The following JADE3 variants were observed in gnomAD, a reference collection of about 807,000 sequenced individuals.
JADE3 encodes the protein jade family PHD finger 3, also known as protein Jade-3.
Under a neutral mutation model 50.1 loss-of-function variants are expected in JADE3, and 2 were observed. The ratio of observed to expected loss-of-function variants is 0.04; its 90% CI spans 0.02 to 0.13. JADE3 has a LOEUF of 0.13. Among genes scored for constraint, JADE3 ranks in the 10% least tolerant of loss-of-function variants. The pLI is 1.00. For synonymous variants in JADE3, 218 were observed against 232.9 expected (o/e 0.94, Z 0.58); for missense variants, 475 against 634.4 (o/e 0.75, Z 2.70).
chrX:46,947,726 T>C (rs1556343833), intron 1 of JADE3, among the ~76,000 whole-genome samples: 1 of 111,543 alleles, frequency 9.0e-6, no homozygotes, highest in Non-Finnish European at 1.9e-5. Flanking sequence ...AGTTTATCTT[T>C]CATAATAAAA....
At chrX:47,021,619 A>AAGTCCAAAAAGACTTTG in intron 4 of JADE3, among the ~76,000 whole-genome samples, 1 of 112,012 alleles carries the variant, frequency 8.9e-6, no homozygotes, top group Non-Finnish European at 1.9e-5. Flanking sequence ...ATTTTTGGAC[A>AAGTCCAAAAAGACTTTG]GTCTTTTTAA....
chrX:47,033,299 A>T (rs1313549914), intron 6 of JADE3, among the ~76,000 whole-genome samples: 1 of 111,962 alleles, frequency 8.9e-6, no homozygotes, highest in Non-Finnish European at 1.9e-5. Context: ...ATAGTCATTG[A>T]AGAAGCTTTA....
At chrX:46,922,783 G>A (rs1384182459) in intron 1 of JADE3, among the ~76,000 whole-genome samples, 1 of 110,731 alleles carries the variant, frequency 9.0e-6, no homozygotes, top group Non-Finnish European at 1.9e-5. Flanking sequence ...ATTAATCATA[G>A]TTCTTTTACA....
At chrX:46,944,339 GT>G (rs1926834597) in intron 1 of JADE3, among the ~76,000 whole-genome samples, 1 of 101,247 alleles carries the variant, frequency 9.9e-6, no homozygotes, top group Non-Finnish European at 2.0e-5. Context: ...GAGTATTGCT[GT>G]TGTCGCCCAG....
At chrX:46,954,298 A>T (rs1361193104) in intron 1 of JADE3, among the ~76,000 whole-genome samples, 1 of 111,765 alleles carries the variant, frequency 8.9e-6, no homozygotes, top group Non-Finnish European at 1.9e-5. Context: ...AACCTCATTA[A>T]CTTGGGAATA....
rs191800532 is a variant in JADE3, at chrX:46,945,083, T to C, written c.-12+32364T>C. On this transcript the variant is annotated intron_variant, in intron 1 of 10. Transcript: ENST00000614628. ...GTTGCCCAGGCTAGTCTCAAACTCC[T>C]AGGCTCAAACAGTTCCTCCCACCTT... is the stretch of plus-strand genomic sequence containing the variant. Among the ~76,000 whole-genome samples the C allele has an allele frequency of 3.7e-3, 397 of 108,108 alleles. 2 individuals are homozygous for C. Among genetic ancestry groups the C allele is most frequent in the African/African-American group, 0.013 (384 of 29,551 alleles). The allele number at this position is 108,108 out of a possible 115,157, so 93.9% of individuals were successfully genotyped here. A position where few individuals can be genotyped will look rare whatever the true frequency, so the allele number is the denominator to read the frequency against.
intron 4 of JADE3, among the ~76,000 whole-genome samples, chrX:47,019,119 A>T (rs977478010): frequency 2.9e-4 from 32 of 111,533 alleles, no homozygotes; most frequent in African/African-American, 9.1e-4. Context: ...TCATGGCATC[A>T]CTTCTATTGA....
chrX:46,916,088 G>A (rs1926079059), intron 1 of JADE3, among the ~76,000 whole-genome samples: 1 of 111,709 alleles, frequency 9.0e-6, no homozygotes, highest in Admixed American at 9.5e-5. Flanking sequence ...TGAGACACAT[G>A]ACAAGAATAT....
chrX:46,981,191 T>G (rs990578392), intron 1 of JADE3, among the ~76,000 whole-genome samples: 1 of 112,238 alleles, frequency 8.9e-6, no homozygotes, highest in Non-Finnish European at 1.9e-5. Context: ...GATAGTAAAT[T>G]TATGTAGTTT....
intron 6 of JADE3, among the ~76,000 whole-genome samples, chrX:47,031,721 TG>T (rs1329660451): frequency 9.1e-6 from 1 of 110,336 alleles, no homozygotes; most frequent in Non-Finnish European, 1.9e-5. Flanking sequence ...AAAAATTAGC[TG>T]GGCAGAGTGG....
intron 8 of JADE3, among the ~76,000 whole-genome samples, chrX:47,039,278 G>A (rs1250734119): frequency 1.8e-5 from 2 of 111,269 alleles, no homozygotes; most frequent in East Asian, 5.6e-4. Context: ...CGTAGTGATA[G>A]TTTATCTTCA....
At chrX:47,054,653 A>G (rs1556373032) in intron 9 of JADE3, 25 bp downstream of exon 9, 2 of 981,948 alleles carry the variant, frequency 2.0e-6, no homozygotes, top group South Asian at 2.2e-5. Flanking sequence ...TGTGACTAGT[A>G]TATAGGCCTC....
chrX:46,979,873 ATTTTTTTTTTTT>A (rs56397998), intron 1 of JADE3, among the ~76,000 whole-genome samples: 5 of 63,148 alleles, frequency 7.9e-5, no homozygotes, highest in Non-Finnish European at 1.4e-4. Flanking sequence ...ATGTCTGCTG[ATTTTTTTTTTTT>A]TTTTTTTTTT....
At chrX:46,989,610 C>T (rs1556355453) in intron 3 of JADE3, among the ~76,000 whole-genome samples, 3 of 111,722 alleles carry the variant, frequency 2.7e-5, no homozygotes, top group East Asian at 5.6e-4. Flanking sequence ...CATTTCTTTC[C>T]CAGTTGTTTT....
At chrX:46,915,241 A>G (rs1475771981) in intron 1 of JADE3, among the ~76,000 whole-genome samples, 1 of 111,955 alleles carries the variant, frequency 8.9e-6, no homozygotes, top group African/African-American at 3.3e-5. Context: ...AGCCAGTCCA[A>G]AAATGAAGCT....
At chrX:47,048,093 C>T (rs1236231344) in intron 8 of JADE3, among the ~76,000 whole-genome samples, 2 of 111,405 alleles carry the variant, frequency 1.8e-5, no homozygotes, top group African/African-American at 6.5e-5. Context: ...GAGTTGGCCA[C>T]GTAGGCATTG....
At chrX:46,994,548 C>T (rs782289205) in intron 3 of JADE3, among the ~76,000 whole-genome samples, 1 of 111,990 alleles carries the variant, frequency 8.9e-6, no homozygotes, top group Non-Finnish European at 1.9e-5. Context: ...TTTAATTTAG[C>T]AACAAATGGC....
chrX:46,928,411 A>G (rs1192970580), intron 1 of JADE3, among the ~76,000 whole-genome samples: 1 of 111,977 alleles, frequency 8.9e-6, no homozygotes, highest in Non-Finnish European at 1.9e-5. Flanking sequence ...ATTTGTGTAC[A>G]TGTGACTTGC....
At chrX:46,928,462 C>A (rs1264011798) in intron 1 of JADE3, among the ~76,000 whole-genome samples, 1 of 112,297 alleles carries the variant, frequency 8.9e-6, no homozygotes, top group Non-Finnish European at 1.9e-5. Flanking sequence ...CCTTCAGGTT[C>A]TCTGCATCTT....
Sources: allele counts gnomAD v4.1 joint callset (sites outside exome capture counted in the v4.1 genomes callset), GRCh38; gene constraint gnomAD v4.1.1; transcripts MANE v1.5; gene names NCBI Gene and HGNC (gene_info 2026-07-23, HGNC 2026-07-21).